XKR9: variants seen among roughly 807,000 people sequenced by gnomAD.
XKR9 encodes the protein XK related 9.
XKR9 carries 32 observed loss-of-function variants against 32.0 expected under a neutral mutation model. The ratio of observed to expected loss-of-function variants is 1.00; its 90% CI spans 0.76 to 1.34. The LOEUF is 1.34. XKR9 is among the 40% of genes most tolerant of loss of function. XKR9 has a pLI of 0.00. For synonymous variants in XKR9, 168 were observed against 143.4 expected, an observed-to-expected ratio of 1.17 and a Z score of -1.22; for missense variants, 546 against 429.7, an observed-to-expected ratio of 1.27 and a Z score of -2.39.
intron 2 of XKR9, among the ~76,000 whole-genome samples, chr8:70,789,111 A>G (rs992290196): frequency 2.6e-5 from 4 of 151,976 alleles, no homozygotes; most frequent in African/African-American, 9.7e-5. Flanking sequence ...GTCCTTTTCT[A>G]TTTCTTGCCA....
At chr8:71,004,707 C>A in the XKR9 span, among the ~76,000 whole-genome samples, 4 of 152,252 alleles carry the variant, frequency 2.6e-5, no homozygotes, top group Non-Finnish European at 5.9e-5. Flanking sequence ...AGTAAACTGG[C>A]AAGGAGCTGA....
chr8:71,015,980 A>T, the XKR9 span, among the ~76,000 whole-genome samples: 2 of 152,044 alleles, frequency 1.3e-5, no homozygotes, highest in Non-Finnish European at 2.9e-5. Flanking sequence ...GGCAGCCAAA[A>T]GTCATCTACA....
chr8:70,820,894 T>G, the XKR9 span, among the ~76,000 whole-genome samples: 1 of 152,170 alleles, frequency 6.6e-6, no homozygotes, highest in Non-Finnish European at 1.5e-5. Context: ...ACACAAAGCC[T>G]AACCACATCA....
chr8:70,999,461 T>C, the XKR9 span, among the ~76,000 whole-genome samples: 61 of 152,170 alleles, frequency 4.0e-4, no homozygotes, highest in Non-Finnish European at 7.8e-4. Context: ...ATAAAAAAAG[T>C]AATATAATCA....
chr8:71,033,874 T>G, the XKR9 span, among the ~76,000 whole-genome samples: 2 of 152,148 alleles, frequency 1.3e-5, no homozygotes, highest in African/African-American at 4.8e-5. Context: ...TCATTATAAA[T>G]TACCCAACCT....
the XKR9 span, among the ~76,000 whole-genome samples, chr8:70,831,245 C>T: frequency 4.8e-5 from 7 of 146,118 alleles, no homozygotes; most frequent in East Asian, 1.0e-3. Context: ...GAGCCAAGAT[C>T]GTGCCACTGC....
At chr8:70,977,704 A>G in the XKR9 span, among the ~76,000 whole-genome samples, 1 of 152,278 alleles carries the variant, frequency 6.6e-6, no homozygotes, top group Non-Finnish European at 1.5e-5. Context: ...AGAAGAATGT[A>G]TATTCTGTTG....
At chr8:70,675,851 A>G (rs1288798795) in intron 2 of XKR9, among the ~76,000 whole-genome samples, 1 of 152,074 alleles carries the variant, frequency 6.6e-6, no homozygotes, top group Non-Finnish European at 1.5e-5. Context: ...ACTTTCCCTC[A>G]TCTTCCCTTC....
intron 2 of XKR9, among the ~76,000 whole-genome samples, chr8:70,749,312 C>T (rs768959884): frequency 1.4e-4 from 22 of 152,136 alleles, no homozygotes; most frequent in East Asian, 5.8e-4. Flanking sequence ...TTGTGGGTGA[C>T]GAGAAGGAGA....
chr8:70,781,328 A>G (rs1807613282), intron 2 of XKR9, among the ~76,000 whole-genome samples: 1 of 152,072 alleles, frequency 6.6e-6, no homozygotes, highest in African/African-American at 2.4e-5. Context: ...CTAGACCCTC[A>G]TCAAATATAT....
the XKR9 span, among the ~76,000 whole-genome samples, chr8:71,025,817 C>T: frequency 6.6e-6 from 1 of 152,176 alleles, no homozygotes; most frequent in Non-Finnish European, 1.5e-5. Context: ...TTGAAGCTAA[C>T]TCTAATGATC....
chr8:71,063,621 G>A, the XKR9 span, among the ~76,000 whole-genome samples: 2 of 151,982 alleles, frequency 1.3e-5, no homozygotes, highest in Non-Finnish European at 2.9e-5. Flanking sequence ...AAAGGGGAAG[G>A]TTTTTAACCT....
the XKR9 span, among the ~76,000 whole-genome samples, chr8:70,826,496 CT>C: frequency 1.3e-5 from 2 of 152,038 alleles, no homozygotes; most frequent in Non-Finnish European, 1.5e-5. Context: ...TTAAATGTTT[CT>C]TTTATTTAAA....
chr8:70,788,859 G>T (rs895356353), intron 2 of XKR9, among the ~76,000 whole-genome samples: 1 of 152,092 alleles, frequency 6.6e-6, no homozygotes, highest in Admixed American at 6.6e-5. Flanking sequence ...GGATGTGAGA[G>T]TGTGTTGGGG....
At chr8:70,750,875 T>G (rs4581087) in intron 2 of XKR9, among the ~76,000 whole-genome samples, 19,773 of 152,244 alleles carry the variant, frequency 0.13, 1,686 homozygotes, top group African/African-American at 0.24. Context: ...AATGTTGTAC[T>G]GGATATTTCT....
chr8:71,022,576 T>C, the XKR9 span, among the ~76,000 whole-genome samples: 30 of 152,224 alleles, frequency 2.0e-4, no homozygotes, highest in Non-Finnish European at 2.2e-4. Flanking sequence ...TTTGACAGTT[T>C]GACTAAAATG....
chr8:70,987,993 GC>G, the XKR9 span, among the ~76,000 whole-genome samples: 2,723 of 152,256 alleles, frequency 0.018, 85 homozygotes, highest in African/African-American at 0.062. Context: ...CTCTACGTTG[GC>G]CCCTTTCAGC....
chr8:70,865,493 A>C, the XKR9 span, among the ~76,000 whole-genome samples: 1 of 152,038 alleles, frequency 6.6e-6, no homozygotes, highest in Non-Finnish European at 1.5e-5. Flanking sequence ...AAAATAAAAT[A>C]ATTTTGCAAT....
At chr8:71,009,725 T>C in the XKR9 span, among the ~76,000 whole-genome samples, 1 of 152,174 alleles carries the variant, frequency 6.6e-6, no homozygotes, top group Non-Finnish European at 1.5e-5. Flanking sequence ...TTCAAGCAAC[T>C]CCTGCCATTG....
Sources: allele counts gnomAD v4.1 joint callset (sites outside exome capture counted in the v4.1 genomes callset), GRCh38; gene constraint gnomAD v4.1.1; transcripts MANE v1.5; gene names NCBI Gene and HGNC (gene_info 2026-07-23, HGNC 2026-07-21).